Variants in SLCO4A1 observed in about 807,000 individuals in gnomAD.
SLCO4A1 encodes the protein solute carrier organic anion transporter family member 4A1, also known as colon organic anion transporter.
Under a neutral mutation model 64.6 loss-of-function variants are expected in SLCO4A1, and 51 were observed. The ratio of observed to expected loss-of-function variants is 0.79; its 90% CI spans 0.63 to 1.00. SLCO4A1 has a LOEUF of 1.00. Among genes scored for constraint, SLCO4A1 ranks in the 50% least tolerant of loss-of-function variants. The pLI, the probability that SLCO4A1 is intolerant of heterozygous loss-of-function variation, is 0.00. For synonymous variants in SLCO4A1, 471 were observed against 444.9 expected, an observed-to-expected ratio of 1.06 and a Z score of -0.74; for missense variants, 919 against 980.5, an observed-to-expected ratio of 0.94 and a Z score of 0.84.
At chr20:62,668,224 T>C (rs758890723) in intron 9 of SLCO4A1, 40 bp downstream of exon 9, 20 of 1,607,748 alleles carry the variant, frequency 1.2e-5, no homozygotes, top group Non-Finnish European at 1.4e-5. Context: ...AGAGCTTTCC[T>C]TGCAGCACCC....
downstream of SLCO4A1, among the ~76,000 whole-genome samples, chr20:62,676,430 T>A (rs7267935): frequency 6.6e-6 from 1 of 151,954 alleles, no homozygotes; most frequent in Admixed American, 6.6e-5. Flanking sequence ...AAAATAATAA[T>A]AAGAAGAATT....
At chr20:62,676,195 G>A (rs1256487441), downstream of SLCO4A1, among the ~76,000 whole-genome samples, 2 of 152,144 alleles carry the variant, frequency 1.3e-5, no homozygotes, top group African/African-American at 2.4e-5. Context: ...CAAGCAGATC[G>A]CTTGAGCCCA....
Position 62,657,064 on chromosome 20 carries a change from G to A in SLCO4A1, c.610G>A (p.Gly204Ser), listed in dbSNP as rs61730135. The A allele has an allele frequency of 6.3e-7, 1 of 1,599,480 alleles. No individual in the cohort carries two copies. Among genetic ancestry groups the A allele is most frequent in the Non-Finnish European group, 8.5e-7 (1 of 1,172,244 alleles). ...AGRYEVELDA[G>S]VRTCPANPGA... ...CCGCTATGAGGTGGAGTTGGACGCG[G>A]GTGTCAGGACGTGCCCTGCCAACCC... Residue 204 changes from glycine to serine, a missense_variant, in exon 2 of 12, where the codon GGT becomes AGT. Physicochemically the swap from Gly to Ser is moderately conservative, Grantham distance 56 (BLOSUM62 0). Transcript: ENST00000217159.
downstream of SLCO4A1, among the ~76,000 whole-genome samples, chr20:62,689,231 G>A (rs12624664): frequency 1.3e-5 from 2 of 149,190 alleles, no homozygotes; most frequent in African/African-American, 2.5e-5. Flanking sequence ...CCCGTGCCTC[G>A]CAGGCCTGTC....
In SLCO4A1 at chr20:62,661,218, T is replaced by C. The variant is rs752119326; in HGVS notation, c.1121+43T>C. On this transcript the variant is annotated intron_variant, in intron 5 of 11. Transcript: ENST00000217159. The surrounding 1 kb of genome is among the most constrained non-coding windows in gnomAD (Gnocchi z 5.2). ...GAGGGTTCCTAGTGTCCTCAGACCC[T>C]TTAATGGTCCCCATCTTGGGGGAGT... The C allele has an allele frequency of 5.8e-6, 8 of 1,371,304 alleles. 1 individual carries two copies. In the South Asian group the frequency reaches 8.1e-5, roughly 14 times the overall value. The allele number at this position is 1,371,304 out of a possible 1,614,324, so 84.9% of individuals were successfully genotyped here.
chr20:62,655,887 G>T (rs62199882), intron 1 of SLCO4A1, among the ~76,000 whole-genome samples: 140,276 of 152,042 alleles, frequency 0.92, 65,562 homozygotes, highest in East Asian at 1. Flanking sequence ...CCAGGACCAA[G>T]GTGGAGTCCA....
chr20:62,648,259 C>A (rs1030046933), intron 1 of SLCO4A1, among the ~76,000 whole-genome samples: 5 of 152,250 alleles, frequency 3.3e-5, no homozygotes, highest in African/African-American at 9.6e-5. Flanking sequence ...CTAGATGCAC[C>A]GGAGGGGCGG....
chr20:62,664,951 TGAA>T lies in SLCO4A1; in HGVS notation c.1143_1145del (p.Lys381del). On this transcript the variant is annotated inframe_deletion, in exon 6 of 12. Coordinates refer to ENST00000217159, the MANE Select transcript of SLCO4A1 (RefSeq NM_016354.4). ...CTGCCCAGCTCCATCTGGCTCCTGC[TGAA>T]GAACCCCACGTTCATCCTGCTCTGC... The T allele has an allele frequency of 6.2e-7, 1 of 1,610,638 alleles. No individual in the cohort carries two copies. The highest frequency in any genetic ancestry group is 8.5e-7 in the Non-Finnish European group (1 of 1,178,372).
chr20:62,678,558 G>C (rs1317825856), intron 2 of SLCO4A1, among the ~76,000 whole-genome samples: 4 of 149,498 alleles, frequency 2.7e-5, no homozygotes, highest in Non-Finnish European at 5.9e-5. Context: ...TTGAGACCGG[G>C]TGTTGCTCTG....
chr20:62,666,651 T>C (rs1986403860), intron 7 of SLCO4A1, 76 bp downstream of exon 7: 3 of 1,288,822 alleles, frequency 2.3e-6, no homozygotes, highest in Non-Finnish European at 3.3e-6. Context: ...GGAGGAGTGG[T>C]GCAGCACTTG....
chr20:62,668,575 GCA>G, intron 10 of SLCO4A1, 34 bp downstream of exon 10: 2 of 1,566,220 alleles, frequency 1.3e-6, no homozygotes, highest in Non-Finnish European at 1.8e-6. Flanking sequence ...ATGGTCAGTT[GCA>G]CAGTGTGCTC....
At chr20:62,651,153 C>T (rs1186295517) in intron 1 of SLCO4A1, 1 of 152,286 alleles carries the variant, frequency 6.6e-6, no homozygotes, top group Admixed American at 6.5e-5. Context: ...CCATCATAGC[C>T]AGCTTTTATG....
At chr20:62,689,884 T>G (rs8121518), downstream of SLCO4A1, among the ~76,000 whole-genome samples, 29,761 of 152,212 alleles carry the variant, frequency 0.2, 3,135 homozygotes, top group African/African-American at 0.27. Context: ...AGGGAACCCC[T>G]ACCTGCAGAA....
intron 2 of SLCO4A1, among the ~76,000 whole-genome samples, chr20:62,683,824 C>T (rs1417361661): frequency 1.3e-5 from 2 of 152,220 alleles, no homozygotes; most frequent in Admixed American, 1.3e-4. Context: ...AGTGATGCAA[C>T]GCTGCACCGG....
At chr20:62,664,642 C>T (rs1985731747) in intron 5 of SLCO4A1, among the ~76,000 whole-genome samples, 1 of 152,206 alleles carries the variant, frequency 6.6e-6, no homozygotes, top group South Asian at 2.1e-4. Flanking sequence ...GGCATAGGCT[C>T]AGCCTGGCGC....
chr20:62,660,460 C>T lies in SLCO4A1; in HGVS notation c.936C>T (p.Val312=), dbSNP rs766421473. ...ESPLWVGAWW[V]GFLGSGAAAF... ...CACTGTGGGTCGGCGCCTGGTGGGT[C>T]GGCTTCCTGGGCTCTGGGGCCGCTG... Residue 312 remains valine (V), a synonymous_variant, in exon 4 of 12, where the codon GTC becomes GTT. Transcript: ENST00000217159. 7.5e-6 allele frequency: 12 copies of T among 1,602,158 alleles called. No homozygotes were observed. The highest frequency in any genetic ancestry group is 3.3e-5 in the Admixed American group (2 of 60,018).
Position 62,666,471 on chromosome 20 carries a change from G to C in SLCO4A1, c.1368G>C (p.Lys456Asn), listed in dbSNP as rs369770452. 6.2e-7 allele frequency: 1 copy of C among 1,613,522 alleles called. No homozygotes were observed. The highest frequency in any genetic ancestry group is 1.7e-5 in the Admixed American group (1 of 60,030). Residue 456 changes from lysine to asparagine, a missense_variant, in exon 7 of 12, where the codon AAG (lysine) becomes AAC (asparagine). Physicochemically the swap from Lys to Asn is moderately conservative, Grantham distance 94. Coordinates refer to ENST00000217159, the MANE Select transcript of SLCO4A1 (RefSeq NM_016354.4). ...GGCTCCGGGGCTCCGCGGTCATCAA[G>C]TTCTGCCTGTTCTGCACCGTTGTCA... Reference protein sequence around the residue: ...KLRLRGSAVIKFCLFCTVVSL... With the variant: ...KLRLRGSAVINFCLFCTVVSL...
At chr20:62,680,649 A>C (rs1029586525) in intron 2 of SLCO4A1, among the ~76,000 whole-genome samples, 2 of 151,394 alleles carry the variant, frequency 1.3e-5, no homozygotes, top group African/African-American at 4.9e-5. Context: ...CCCACAGTAG[A>C]TCTTCAGTGT....
At chr20:62,687,642 G>T (rs1988109478), downstream of SLCO4A1, among the ~76,000 whole-genome samples, 1 of 152,242 alleles carries the variant, frequency 6.6e-6, no homozygotes, top group African/African-American at 2.4e-5. Context: ...GGCCTCTCCA[G>T]CCAGACTCTG....
Sources: gnomAD v4.1 joint callset for allele counts (sites outside exome capture counted in the v4.1 genomes callset) on GRCh38, gnomAD v4.1.1 for gene constraint, Gnocchi (gnomAD v3.1) non-coding constraint, MANE v1.5 for transcripts, NCBI Gene and HGNC (gene_info 2026-07-23, HGNC 2026-07-21) for gene names.